Variants in ASAP1 observed in about 807,000 individuals in gnomAD.
ASAP1 encodes the protein arf-GAP with SH3 domain, ANK repeat and PH domain-containing protein 1.
ASAP1 carries 43 observed loss-of-function variants against 145.2 expected under a neutral mutation model. That is an observed-to-expected ratio of 0.30 (90% CI 0.23 to 0.38). The LOEUF (loss-of-function observed/expected upper bound fraction) is 0.38, where lower values mean the gene tolerates loss of function less well. Among genes scored for constraint, ASAP1 ranks in the 10% least tolerant of loss-of-function variants. The pLI is 1.00. For synonymous variants in ASAP1, 546 were observed against 515.5 expected, an observed-to-expected ratio of 1.06 and a Z score of -0.80; for missense variants, 1,018 against 1,355.3, an observed-to-expected ratio of 0.75 and a Z score of 3.91.
chr8:130,395,659 G>A (rs1051886945), intron 2 of ASAP1, among the ~76,000 whole-genome samples: 10 of 146,780 alleles, frequency 6.8e-5, no homozygotes, highest in African/African-American at 2.0e-4. Context: ...TCCAAACTGT[G>A]AGACAATACA....
chr8:130,168,238 C>T (rs926323446), intron 10 of ASAP1, among the ~76,000 whole-genome samples: 1 of 152,092 alleles, frequency 6.6e-6, no homozygotes, highest in Non-Finnish European at 1.5e-5. Context: ...TATTTACCCC[C>T]AAATGATTTT....
chr8:130,289,692 G>A (rs1465601177), intron 3 of ASAP1, among the ~76,000 whole-genome samples: 2 of 152,278 alleles, frequency 1.3e-5, no homozygotes, highest in South Asian at 2.1e-4. Flanking sequence ...ATACAGCCAG[G>A]TAAACTCTCA....
intron 3 of ASAP1, among the ~76,000 whole-genome samples, chr8:130,333,082 A>G (rs987190528): frequency 3.0e-4 from 46 of 152,238 alleles, no homozygotes; most frequent in Middle Eastern, 3.4e-3. Context: ...GTCATGCTCT[A>G]TTTTGGGTAA....
At chr8:130,171,689 C>G (rs1813605803) in intron 9 of ASAP1, among the ~76,000 whole-genome samples, 1 of 152,184 alleles carries the variant, frequency 6.6e-6, no homozygotes, top group Admixed American at 6.5e-5. Flanking sequence ...CGGCTGCTAC[C>G]CCATAAGCAG....
chr8:130,160,942 T>C (rs1365427647), intron 11 of ASAP1: 2 of 458,620 alleles, frequency 4.4e-6, no homozygotes, highest in Non-Finnish European at 7.2e-6. Context: ...AGAAAACACA[T>C]ACACCTCTAG....
At chr8:130,318,201 C>T (rs1823780773) in intron 3 of ASAP1, among the ~76,000 whole-genome samples, 1 of 151,392 alleles carries the variant, frequency 6.6e-6, no homozygotes, top group African/African-American at 2.4e-5. Context: ...CCCACCTCAG[C>T]CCCCCAAGTG....
At chr8:130,106,902 G>A (rs1331892538) in intron 24 of ASAP1, among the ~76,000 whole-genome samples, 2 of 152,186 alleles carry the variant, frequency 1.3e-5, no homozygotes, top group African/African-American at 4.8e-5. Context: ...CTGAGAGTGG[G>A]AGGTACTTCT....
chr8:130,325,036 G>A (rs1394120853), intron 3 of ASAP1, among the ~76,000 whole-genome samples: 2 of 152,160 alleles, frequency 1.3e-5, no homozygotes, highest in African/African-American at 2.4e-5. Context: ...TTCCAGAGGT[G>A]GGGTATGTCC....
chr8:130,233,859 T>C (rs76585631), intron 4 of ASAP1, among the ~76,000 whole-genome samples: 3,112 of 152,274 alleles, frequency 0.02, 49 homozygotes, highest in East Asian at 0.063. Context: ...CAAATTACAT[T>C]GACAAATGCA....
chr8:130,078,624 TCTC>T (rs1158771893), intron 26 of ASAP1, among the ~76,000 whole-genome samples: 2 of 152,092 alleles, frequency 1.3e-5, no homozygotes, highest in African/African-American at 4.8e-5. Flanking sequence ...TGTCAGATAT[TCTC>T]CTCACTCTGG....
At position 130,130,903 on chromosome 8, in the gene ASAP1, G is replaced by T. The variant is rs150882945; in HGVS notation, c.1218-2813C>A. ...AAAAAAGCCACGCTCACGCCTGTAA[G>T]CCCAGCACTTTGGGAGGCCAAGGCG... On this transcript the variant is annotated intron_variant, in intron 15 of 29. Coordinates refer to ENST00000518721, the MANE Select transcript of ASAP1 (RefSeq NM_018482.4). Among the ~76,000 whole-genome samples, 70 of 151,860 alleles carry T rather than the reference G, an allele frequency of 4.6e-4. No individual in the cohort carries two copies. The East Asian group carries it at 5.4e-3, about 12-fold the overall frequency.
intron 10 of ASAP1, among the ~76,000 whole-genome samples, chr8:130,167,879 T>C (rs1565042632): frequency 1.3e-5 from 2 of 152,234 alleles, no homozygotes; most frequent in African/African-American, 2.4e-5. Context: ...TGAAGTACTA[T>C]TCTAAACAGC....
chr8:130,378,708 T>C (rs1421482570), intron 2 of ASAP1, among the ~76,000 whole-genome samples: 1 of 152,222 alleles, frequency 6.6e-6, no homozygotes, highest in Admixed American at 6.5e-5. Context: ...AGGTTCAGTC[T>C]GGCTGCAATG....
chr8:130,437,061 C>T (rs1830337574), intron 1 of ASAP1, among the ~76,000 whole-genome samples: 1 of 146,698 alleles, frequency 6.8e-6, no homozygotes, highest in Non-Finnish European at 1.5e-5. Flanking sequence ...GCCAAAATCA[C>T]ACCACTGCAC....
In ASAP1 at chr8:130,224,729, C is replaced by A. The variant is rs190900372; in HGVS notation, c.260-10028G>T. Among the ~76,000 whole-genome samples the A allele has an allele frequency of 1.5e-4, 23 of 152,296 alleles. No homozygotes were observed. The East Asian group carries it at 2.9e-3, about 19-fold the overall frequency. ...ATATGTTCCATAATAAATACGCCTG[C>A]TGAAAGGATACTAGGTTTTCTGCAG... On this transcript the variant is annotated intron_variant, in intron 4 of 29. Transcript: ENST00000518721.
chr8:130,144,059 CAG>C (rs2097620424), intron 13 of ASAP1, among the ~76,000 whole-genome samples: 3 of 152,196 alleles, frequency 2.0e-5, no homozygotes, highest in Non-Finnish European at 4.4e-5. Flanking sequence ...TGTCTGAAAA[CAG>C]AGCTGCTCAG....
intron 3 of ASAP1, among the ~76,000 whole-genome samples, chr8:130,311,715 C>G (rs559429980): frequency 1.6e-3 from 218 of 136,662 alleles, no homozygotes; most frequent in African/African-American, 5.7e-3. Context: ...GAACCGAGAT[C>G]GCGCCACTGC....
At chr8:130,115,806 A>G in intron 22 of ASAP1, 71 bp from the exon 23 acceptor site, 1 of 1,097,836 alleles carries the variant, frequency 9.1e-7, no homozygotes, top group Non-Finnish European at 1.4e-6. Flanking sequence ...ACAAACACTG[A>G]GCAAATCCCA....
At chr8:130,185,932 C>T (rs570161520) in intron 7 of ASAP1, among the ~76,000 whole-genome samples, 6 of 152,114 alleles carry the variant, frequency 3.9e-5, no homozygotes, top group African/African-American at 1.4e-4. Flanking sequence ...AGTTGTACTA[C>T]CTAATATTGG....
Sources: allele counts gnomAD v4.1 joint callset (sites outside exome capture counted in the v4.1 genomes callset), GRCh38; gene constraint gnomAD v4.1.1; transcripts MANE v1.5; gene names NCBI Gene and HGNC (gene_info 2026-07-23, HGNC 2026-07-21).